Variants in LRRC49 observed in about 807,000 individuals in gnomAD.
LRRC49 encodes the protein leucine-rich repeat-containing protein 49.
A neutral mutation model predicts 83.3 loss-of-function variants in LRRC49; 50 were observed. The ratio of observed to expected loss-of-function variants is 0.60; its 90% CI spans 0.48 to 0.76. LRRC49 has a LOEUF of 0.76. Among genes scored for constraint, LRRC49 ranks in the 30% least tolerant of loss-of-function variants. LRRC49 has a pLI of 0.00. For missense variants in LRRC49, 704 were observed against 809.1 expected, an observed-to-expected ratio of 0.87 and a Z score of 1.58; for synonymous variants, 286 against 283.3, an observed-to-expected ratio of 1.01 and a Z score of -0.10.
chr15:70,858,850 T>C (rs2032715534), intron 1 of LRRC49: 5 of 769,496 alleles, frequency 6.5e-6, no homozygotes, highest in Non-Finnish European at 1.2e-5. Context: ...CAGCAGCTTC[T>C]GGGGTGGCCT....
intron 15 of LRRC49, among the ~76,000 whole-genome samples, chr15:71,044,034 A>G (rs1453659225): frequency 1.3e-5 from 2 of 152,200 alleles, no homozygotes; most frequent in African/African-American, 4.8e-5. Flanking sequence ...CTTGTAAAAT[A>G]TTGCTCATTT....
chr15:71,001,240 T>G (rs1364682856), intron 11 of LRRC49, among the ~76,000 whole-genome samples: 1 of 152,204 alleles, frequency 6.6e-6, no homozygotes, highest in Non-Finnish European at 1.5e-5. Flanking sequence ...ATAGGAATAA[T>G]CAGTTACCCT....
intron 1 of LRRC49, among the ~76,000 whole-genome samples, chr15:70,863,112 A>C (rs888596773): frequency 3.9e-5 from 6 of 152,214 alleles, no homozygotes; most frequent in Non-Finnish European, 8.8e-5. Context: ...CCTTTGTGCC[A>C]ATAGTGGCCC....
Position 71,052,804 on chromosome 15 carries a change from A to G in LRRC49, c.*3192A>G, listed in dbSNP as rs2040010146. The G allele has an allele frequency of 6.6e-6, 1 of 152,224 alleles. No individual in the cohort carries two copies. Among genetic ancestry groups the G allele is most frequent in the African/African-American group, 2.4e-5 (1 of 41,460 alleles). The allele number at this position is 152,224 out of a possible 1,614,324, so 9.4% of individuals were successfully genotyped here. ...GTATTTCAACCAATAAATAGTAGAC[A>G]GTACCCACATTCACTGTTAGTCTTA... On this transcript the variant is annotated 3_prime_UTR_variant, in exon 16 of 16. Coordinates refer to ENST00000260382, the MANE Select transcript of LRRC49 (RefSeq NM_017691.5).
intron 1 of LRRC49, among the ~76,000 whole-genome samples, chr15:70,867,839 C>G (rs2032945096): frequency 2.6e-5 from 4 of 152,212 alleles, no homozygotes. Flanking sequence ...TCACGCATTT[C>G]TTTGAGATGA....
intron 7 of LRRC49, among the ~76,000 whole-genome samples, chr15:70,935,008 C>T (rs771897659): frequency 6.6e-6 from 1 of 152,154 alleles, no homozygotes; most frequent in African/African-American, 2.4e-5. Context: ...ATGAGCCCTA[C>T]CACTAGTCTA....
intron 1 of LRRC49, among the ~76,000 whole-genome samples, chr15:70,871,409 C>G (rs533466656): frequency 1.3e-5 from 2 of 152,232 alleles, no homozygotes; most frequent in Non-Finnish European, 2.9e-5. Flanking sequence ...CATTTCCCCC[C>G]TCTCTACTCG....
rs772823428 is a variant in LRRC49 at position 71,049,594 on chromosome 15, G to C, written c.2043G>C (p.Gln681His). The change falls in exon 16 of 16, where the codon CAG (glutamine) becomes CAC (histidine). Residue 681 changes from glutamine to histidine, a missense_variant. This residue lies in a region of LRRC49 where 275 missense variants were observed against 338.0 expected (regional missense o/e 0.81). Coordinates refer to ENST00000260382, the MANE Select transcript of LRRC49 (RefSeq NM_017691.5). ...KNSYMKLCLQQITDQK is the reference protein window; with the variant it reads ...KNSYMKLCLQHITDQK ...CCTATATGAAGCTCTGCCTACAGCA[G>C]ATAACAGACCAAAAATAAAAATGGC... 1.2e-6 allele frequency: 2 copies of C among 1,600,060 alleles called. No individual in the cohort carries two copies. Among genetic ancestry groups the C allele is most frequent in the African/African-American group, 1.4e-5 (1 of 74,046 alleles).
intron 8 of LRRC49, among the ~76,000 whole-genome samples, chr15:70,958,535 G>A (rs1336917659): frequency 1.3e-5 from 2 of 152,138 alleles, no homozygotes; most frequent in Non-Finnish European, 2.9e-5. Flanking sequence ...CAACTATGGG[G>A]GAAGGAGAGA....
intron 14 of LRRC49, among the ~76,000 whole-genome samples, chr15:71,026,504 G>A (rs2039177293): frequency 1.3e-5 from 2 of 152,054 alleles, no homozygotes; most frequent in South Asian, 2.1e-4. Context: ...AGTCTTCCAC[G>A]ATGGTTGAAC....
intron 8 of LRRC49, among the ~76,000 whole-genome samples, chr15:70,956,302 T>C (rs1369492088): frequency 6.6e-6 from 1 of 152,178 alleles, no homozygotes; most frequent in Non-Finnish European, 1.5e-5. Flanking sequence ...AGGGACAGAC[T>C]GTTTCTCTAT....
chr15:70,992,054 A>G (rs1008983711), intron 11 of LRRC49, among the ~76,000 whole-genome samples: 3 of 152,222 alleles, frequency 2.0e-5, no homozygotes, highest in African/African-American at 7.2e-5. Context: ...AAAATAAATC[A>G]AGAATAAAAA....
chr15:71,026,614 G>A (rs979796297), intron 14 of LRRC49, among the ~76,000 whole-genome samples: 2 of 152,196 alleles, frequency 1.3e-5, no homozygotes, highest in East Asian at 1.9e-4. Flanking sequence ...TCTGTTGTTT[G>A]TTGACTTTTT....
At chr15:70,974,020 G>A (rs1004741508) in intron 9 of LRRC49, among the ~76,000 whole-genome samples, 5 of 152,142 alleles carry the variant, frequency 3.3e-5, no homozygotes, top group African/African-American at 9.6e-5. Context: ...CCAGCTACTC[G>A]GGAGGCTGAG....
At chr15:70,903,103 G>A (rs1435131269) in intron 4 of LRRC49, among the ~76,000 whole-genome samples, 1 of 152,120 alleles carries the variant, frequency 6.6e-6, no homozygotes. Context: ...TGAAATAGAA[G>A]TTGGGGGGTA....
At chr15:70,999,968 C>T (rs2141250247) in intron 11 of LRRC49, among the ~76,000 whole-genome samples, 1 of 152,288 alleles carries the variant, frequency 6.6e-6, no homozygotes. Context: ...CATGTCAAAA[C>T]ACACAACTAC....
intron 7 of LRRC49, among the ~76,000 whole-genome samples, chr15:70,921,902 C>CTTGT (rs112647188): frequency 0.044 from 6,659 of 152,202 alleles, 470 homozygotes; most frequent in African/African-American, 0.15. Context: ...AAAGTTATTG[C>CTTGT]TTGTTTATTT....
intron 1 of LRRC49, among the ~76,000 whole-genome samples, chr15:70,871,360 C>T (rs1019277166): frequency 3.9e-5 from 6 of 152,228 alleles, no homozygotes; most frequent in Non-Finnish European, 8.8e-5. Flanking sequence ...TCTTTCTACA[C>T]AGACACAGCA....
chr15:70,931,914 G>A (rs1351683776), intron 7 of LRRC49, among the ~76,000 whole-genome samples: 1 of 152,070 alleles, frequency 6.6e-6, no homozygotes, highest in Admixed American at 6.6e-5. Flanking sequence ...ATGTAAGTTT[G>A]AACTGTAAAT....
Sources: gnomAD v4.1 joint callset for allele counts (sites outside exome capture counted in the v4.1 genomes callset) on GRCh38, gnomAD v4.1.1 for gene constraint, gnomAD v4.1.1 regional missense constraint, MANE v1.5 for transcripts, NCBI Gene and HGNC (gene_info 2026-07-23, HGNC 2026-07-21) for gene names.